The following RPS6KA2 variants were observed in gnomAD, a reference collection of about 807,000 sequenced individuals.
The protein encoded by RPS6KA2 is ribosomal protein S6 kinase alpha-2.
In RPS6KA2, 42 loss-of-function variants were observed where a neutral mutation model predicts 91.8. That is an observed-to-expected ratio of 0.46 (90% CI 0.36 to 0.59). RPS6KA2 has a LOEUF of 0.59. RPS6KA2 is among the 20% of genes least tolerant of loss of function. The probability of loss-of-function intolerance (pLI) is 0.00; values close to 1 mark genes in which losing one functional copy is unlikely to be tolerated. For synonymous variants in RPS6KA2, 414 were observed against 393.6 expected, an observed-to-expected ratio of 1.05 and a Z score of -0.61; for missense variants, 798 against 978.5, an observed-to-expected ratio of 0.82 and a Z score of 2.46.
At chr6:166,587,708 T>C (rs1241242332) in intron 1 of RPS6KA2, among the ~76,000 whole-genome samples, 1 of 151,358 alleles carries the variant, frequency 6.6e-6, no homozygotes, top group East Asian at 1.9e-4. Context: ...AATATATAAG[T>C]GGATTCAGAA....
intron 14 of RPS6KA2, among the ~76,000 whole-genome samples, chr6:166,444,769 G>A (rs542604596): frequency 6.6e-6 from 1 of 152,242 alleles, no homozygotes; most frequent in African/African-American, 2.4e-5. Context: ...TTCAGCCCAC[G>A]TGAATTGAGC....
intron 16 of RPS6KA2, among the ~76,000 whole-genome samples, chr6:166,429,458 T>A (rs917979224): frequency 5.6e-4 from 85 of 152,044 alleles, no homozygotes; most frequent in South Asian, 1.0e-3. Context: ...TAAAAAAAAA[T>A]TTTTAAATTT....
At chr6:166,515,004 C>G (rs3778420) in intron 3 of RPS6KA2, among the ~76,000 whole-genome samples, 1 of 152,110 alleles carries the variant, frequency 6.6e-6, no homozygotes, top group African/African-American at 2.4e-5. Context: ...AATACAGATG[C>G]GAACGCCCAC....
intron 3 of RPS6KA2, among the ~76,000 whole-genome samples, chr6:166,518,667 T>C (rs1434826135): frequency 1.3e-5 from 2 of 152,144 alleles, no homozygotes; most frequent in Non-Finnish European, 2.9e-5. Context: ...ATGTTGAGTT[T>C]AGGGTGGCAG....
intron 2 of RPS6KA2, among the ~76,000 whole-genome samples, chr6:166,753,814 G>A (rs1001291832): frequency 7.2e-5 from 11 of 152,148 alleles, no homozygotes; most frequent in East Asian, 1.9e-4. Flanking sequence ...GAGCTATCAC[G>A]GTTAATAATG....
chr6:166,595,853 G>C (rs2128523557), intron 1 of RPS6KA2, among the ~76,000 whole-genome samples: 1 of 152,322 alleles, frequency 6.6e-6, no homozygotes, highest in South Asian at 2.1e-4. Flanking sequence ...AAAGGAATGG[G>C]GTTCCCTCAT....
intron 2 of RPS6KA2, among the ~76,000 whole-genome samples, chr6:166,792,553 A>G (rs999652968): frequency 3.9e-5 from 6 of 152,006 alleles, no homozygotes; most frequent in Non-Finnish European, 8.8e-5. Flanking sequence ...CACAACAAAA[A>G]AAGAGAATTT....
intron 5 of RPS6KA2, 81 bp from the exon 6 acceptor site, chr6:166,504,693 A>C: frequency 1.0e-6 from 1 of 955,096 alleles, no homozygotes. Context: ...ACTCTGCCAG[A>C]GAGACTGAGA....
chr6:166,838,347 C>T (rs193097159), intron 2 of RPS6KA2, among the ~76,000 whole-genome samples: 2 of 152,192 alleles, frequency 1.3e-5, no homozygotes, highest in Admixed American at 6.5e-5. Context: ...AGAGTGTCAG[C>T]GTGTCAATGA....
At position 166,770,249 on chromosome 6, in the gene RPS6KA2, A is replaced by T. The variant is rs2128606471; in HGVS notation, c.123+87951T>A. ...TGAAAACAGCTATTAAACTATCTTT[A>T]AAAATGTCTTATTAATAAAGGTATT... On this transcript the variant is annotated intron_variant, in intron 2 of 21. Coordinates refer to the RPS6KA2 transcript ENST00000503859. This position sits in a 1 kb window ranked among gnomAD's most constrained non-coding sequence, Gnocchi z 5.1. Among the ~76,000 whole-genome samples, 1 of 152,372 alleles carries T rather than the reference A, an allele frequency of 6.6e-6. No individual in the cohort carries two copies. Among genetic ancestry groups the T allele is most frequent in the South Asian group, 2.1e-4 (1 of 4,830 alleles).
intron 10 of RPS6KA2, among the ~76,000 whole-genome samples, chr6:166,471,047 G>A (rs550181010): frequency 6.6e-6 from 1 of 152,128 alleles, no homozygotes; most frequent in East Asian, 1.9e-4. Context: ...GATCCCTGGG[G>A]CCCGGCTCCC....
intron 2 of RPS6KA2, among the ~76,000 whole-genome samples, chr6:166,799,109 T>C (rs1329576184): frequency 6.6e-6 from 1 of 152,256 alleles, no homozygotes; most frequent in Non-Finnish European, 1.5e-5. Flanking sequence ...TCTTTTTCCA[T>C]TTCCATCTTT....
At chr6:166,845,265 G>A (rs1445362943) in intron 2 of RPS6KA2, among the ~76,000 whole-genome samples, 3 of 152,096 alleles carry the variant, frequency 2.0e-5, no homozygotes, top group Non-Finnish European at 4.4e-5. Flanking sequence ...GTAATAGTGG[G>A]GGACTTCAAT....
At chr6:166,650,471 C>T (rs1188861573) in intron 2 of RPS6KA2, among the ~76,000 whole-genome samples, 2 of 151,624 alleles carry the variant, frequency 1.3e-5, no homozygotes, top group African/African-American at 4.8e-5. Context: ...CCATGTTCAC[C>T]GTCCTCTTTT....
chr6:166,741,828 T>C (rs1192172678), intron 2 of RPS6KA2, among the ~76,000 whole-genome samples: 1 of 152,208 alleles, frequency 6.6e-6, no homozygotes. Flanking sequence ...CCCTGACAGC[T>C]GCCTCAAGAA....
chr6:166,599,408 A>G (rs1245035384), intron 1 of RPS6KA2, among the ~76,000 whole-genome samples: 1 of 152,228 alleles, frequency 6.6e-6, no homozygotes, highest in Non-Finnish European at 1.5e-5. Context: ...ATATACACCG[A>G]ATAAAATGAA....
intron 1 of RPS6KA2, among the ~76,000 whole-genome samples, chr6:166,859,221 C>A (rs780348693): frequency 2.6e-5 from 4 of 152,232 alleles, no homozygotes; most frequent in Non-Finnish European, 5.9e-5. Context: ...GGAGCTTTCT[C>A]TTTCTCTATC....
intron 11 of RPS6KA2, among the ~76,000 whole-genome samples, chr6:166,464,815 C>T (rs1780460166): frequency 6.6e-6 from 1 of 152,072 alleles, no homozygotes; most frequent in Non-Finnish European, 1.5e-5. Context: ...GCAGAGCTGG[C>T]CTTCAGAAGG....
chr6:166,741,349 A>G (rs1450690137), intron 2 of RPS6KA2, among the ~76,000 whole-genome samples: 1 of 152,216 alleles, frequency 6.6e-6, no homozygotes, highest in Non-Finnish European at 1.5e-5. Context: ...TTATCTTAAC[A>G]TGATCTGAGG....
Sources: allele counts gnomAD v4.1 joint callset (sites outside exome capture counted in the v4.1 genomes callset), GRCh38; gene constraint gnomAD v4.1.1; non-coding constraint Gnocchi (gnomAD v3.1); transcripts MANE v1.5; gene names NCBI Gene and HGNC (gene_info 2026-07-23, HGNC 2026-07-21).